SLFN12L: variants seen among roughly 807,000 people sequenced by gnomAD.
SLFN12L encodes schlafen family member 12 like.
A neutral mutation model predicts 34.8 loss-of-function variants in SLFN12L; 34 were observed. The ratio of observed to expected loss-of-function variants is 0.98; its 90% CI spans 0.74 to 1.30. SLFN12L has a LOEUF of 1.30. Among genes scored for constraint, SLFN12L ranks in the 50% most tolerant of loss-of-function variants. The pLI is 0.00. For synonymous variants in SLFN12L, 259 were observed against 247.5 expected, an observed-to-expected ratio of 1.05 and a Z score of -0.44; for missense variants, 703 against 696.2, an observed-to-expected ratio of 1.01 and a Z score of -0.11.
intron 2 of SLFN12L, chr17:35,498,486 G>A (rs1456262074): frequency 1.7e-6 from 2 of 1,203,908 alleles, no homozygotes; most frequent in Non-Finnish European, 2.5e-6. Flanking sequence ...GCATAGCCAC[G>A]AAGTGATGCC....
intron 2 of SLFN12L, among the ~76,000 whole-genome samples, chr17:35,491,649 T>C (rs970642860): frequency 8.5e-5 from 13 of 152,228 alleles, no homozygotes; most frequent in Admixed American, 8.5e-4. Context: ...CTTAATAGCA[T>C]TTCAAGCCAT....
At chr17:35,492,907 A>G (rs1417861161) in intron 2 of SLFN12L, among the ~76,000 whole-genome samples, 1 of 152,174 alleles carries the variant, frequency 6.6e-6, no homozygotes, top group Non-Finnish European at 1.5e-5. Flanking sequence ...TGGTAGGCAC[A>G]TAGTAGGCAC....
intron 2 of SLFN12L, chr17:35,489,945 C>T: frequency 7.5e-7 from 1 of 1,334,358 alleles, no homozygotes; most frequent in Non-Finnish European, 1.1e-6. Context: ...AAAAATCCCA[C>T]AACCAGTCAT....
intron 1 of SLFN12L, among the ~76,000 whole-genome samples, chr17:35,536,951 C>T (rs983120197): frequency 1.3e-5 from 2 of 151,842 alleles, no homozygotes; most frequent in East Asian, 1.9e-4. Flanking sequence ...CAAGGTGGGA[C>T]GATTACTTGA....
At chr17:35,517,341 C>T (rs1915859943) in intron 2 of SLFN12L, among the ~76,000 whole-genome samples, 1 of 152,114 alleles carries the variant, frequency 6.6e-6, no homozygotes, top group African/African-American at 2.4e-5. Context: ...ATACAACTTA[C>T]AAGGGACGTG....
intron 1 of SLFN12L, among the ~76,000 whole-genome samples, chr17:35,524,297 T>G (rs1164537867): frequency 6.6e-6 from 1 of 152,212 alleles, no homozygotes; most frequent in Non-Finnish European, 1.5e-5. Flanking sequence ...GTGGGTGCAG[T>G]GTCAGCAGAC....
At chr17:35,476,211 GAGA>G (rs1388890628) in intron 4 of SLFN12L, among the ~76,000 whole-genome samples, 1 of 152,060 alleles carries the variant, frequency 6.6e-6, no homozygotes, top group Non-Finnish European at 1.5e-5. Flanking sequence ...CAAAATCCCA[GAGA>G]AGATGAAACT....
chr17:35,532,965 GAC>G (rs1237340872), intron 1 of SLFN12L, among the ~76,000 whole-genome samples: 2 of 152,158 alleles, frequency 1.3e-5, no homozygotes, highest in East Asian at 1.9e-4. Flanking sequence ...TATATTGTTT[GAC>G]ACACAAAAAA....
Position 35,493,342 on chromosome 17 carries a change from T to C in SLFN12L, c.87-13147A>G, listed in dbSNP as rs543879899. On this transcript the variant is annotated intron_variant, in intron 2 of 4. Transcript: ENST00000628453. ...CATTTATGCCAAGCTTTCCCCTATT[T>C]CCCAAATTTATATCATCTGGTTAGC... 4.2e-4 allele frequency among the ~76,000 whole-genome samples: 64 copies of C among 152,288 alleles called. 1 individual carries two copies. In the Middle Eastern group the frequency reaches 0.024, roughly 57 times the overall value.
At position 35,474,916 on chromosome 17, in the gene SLFN12L, G is replaced by A; in HGVS notation, c.*7C>T. 1.3e-6 allele frequency: 2 copies of A among 1,535,786 alleles called. No individual in the cohort carries two copies. Among genetic ancestry groups the A allele is most frequent in the Non-Finnish European group, 1.8e-6 (2 of 1,141,484 alleles). On this transcript the variant is annotated 3_prime_UTR_variant, in exon 5 of 5. Transcript: ENST00000628453. ...ACTACACTCCAGTCTGGGTGACAGA[G>A]TGAGACTCATCTCAAGAAAAAACAA... is the stretch of plus-strand genomic sequence containing the variant.
intron 2 of SLFN12L, among the ~76,000 whole-genome samples, chr17:35,487,478 C>G (rs1395167024): frequency 2.6e-5 from 4 of 152,152 alleles, no homozygotes; most frequent in South Asian, 2.1e-4. Flanking sequence ...ACCACCCCCC[C>G]CGGACCCCCG....
At chr17:35,493,769 A>T (rs1914933871) in intron 2 of SLFN12L, among the ~76,000 whole-genome samples, 2 of 152,362 alleles carry the variant, frequency 1.3e-5, no homozygotes, top group South Asian at 4.1e-4. Context: ...GTAAGTTGAC[A>T]TGTAGTCTAC....
intron 2 of SLFN12L, among the ~76,000 whole-genome samples, chr17:35,481,989 T>C (rs558244459): frequency 4.6e-5 from 7 of 152,294 alleles, no homozygotes; most frequent in African/African-American, 1.7e-4. Context: ...GCCTCCCAAG[T>C]AGCTGGCATT....
rs1017072186 is a variant in SLFN12L, at chr17:35,465,856, C to T, written c.*9067G>A. ...CTAATATGTTCAATATGTTCAATTC[C>T]GTGCCTATTTCAACAGACTCCACTG... On this transcript the variant is annotated 3_prime_UTR_variant, in exon 5 of 5. Transcript: ENST00000628453. Among the ~76,000 whole-genome samples the T allele has an allele frequency of 5.3e-5, 8 of 151,276 alleles. No homozygotes were observed. The highest frequency in any genetic ancestry group is 8.8e-5 in the Non-Finnish European group (6 of 67,890).
chr17:35,526,824 C>T (rs966158453), intron 1 of SLFN12L, among the ~76,000 whole-genome samples: 2 of 151,862 alleles, frequency 1.3e-5, no homozygotes, highest in Admixed American at 1.3e-4. Context: ...CAAACAAATT[C>T]AAAAGCTAGC....
chr17:35,475,088 T>C lies in SLFN12L; in HGVS notation c.1674A>G (p.Gln558=), dbSNP rs1203846948. 6.8e-6 allele frequency: 11 copies of C among 1,613,990 alleles called. No homozygotes were observed. The highest frequency in any genetic ancestry group is 2.2e-5 in the East Asian group (1 of 44,900). Residue 558 remains glutamine (Q), a synonymous_variant, in exon 5 of 5, where the codon CAA becomes CAG. Coordinates refer to ENST00000628453, the MANE Select transcript of SLFN12L (RefSeq NM_001363830.2). ...KTSCQYDLNS[Q]VIYPESYYWT... The stretch of plus-strand genomic sequence containing the variant: ...AATAGTAGGATTCAGGGTAAATTAC[T>C]TGCGAGTTTAAATCATACTGGCAGC...
At chr17:35,490,391 T>C (rs898784427) in intron 2 of SLFN12L, 18 of 1,309,424 alleles carry the variant, frequency 1.4e-5, no homozygotes, top group Non-Finnish European at 2.0e-5. Flanking sequence ...AAGAAGTTCA[T>C]TCAGCTCCTG....
chr17:35,529,573 T>TCTCA (rs2072370694), intron 1 of SLFN12L, among the ~76,000 whole-genome samples: 1 of 152,038 alleles, frequency 6.6e-6, no homozygotes, highest in Non-Finnish European at 1.5e-5. Context: ...AAACCATCAT[T>TCTCA]CTCAGCAAAC....
Position 35,480,083 on chromosome 17 carries a change from C to T in SLFN12L, c.199G>A (p.Glu67Lys). 6.2e-7 allele frequency: 1 copy of T among 1,614,090 alleles called. No individual in the cohort carries two copies. Among genetic ancestry groups the T allele is most frequent in the Non-Finnish European group, 8.5e-7 (1 of 1,180,014 alleles). Residue 67 changes from glutamate to lysine, a missense_variant, in exon 3 of 5, where the codon GAG becomes AAG. Physicochemically the swap from Glu to Lys is moderately conservative, Grantham distance 56. Transcript: ENST00000628453. ...VLNVGRVTLG[E>K]NNRKKMKDCQ... ...TCCTTCATTTTTTTTCTATTGTTCT[C>T]TCCAAGAGTGACTCTTCCCACATTT...
Sources: gnomAD v4.1 joint callset for allele counts (sites outside exome capture counted in the v4.1 genomes callset) on GRCh38, gnomAD v4.1.1 for gene constraint, MANE v1.5 for transcripts, NCBI Gene and HGNC (gene_info 2026-07-23, HGNC 2026-07-21) for gene names.